Variants in UBTD2 observed in about 807,000 individuals in gnomAD.
The protein encoded by UBTD2 is ubiquitin domain-containing protein 2.
Under a neutral mutation model 19.8 loss-of-function variants are expected in UBTD2, and 9 were observed. The observed-to-expected ratio is 0.46, with a 90% CI of 0.27 to 0.79. The LOEUF (loss-of-function observed/expected upper bound fraction) is 0.79, where lower values mean the gene tolerates loss of function less well. Among genes scored for constraint, UBTD2 ranks in the 30% least tolerant of loss-of-function variants. The pLI is 0.14. For missense variants in UBTD2, 250 were observed against 300.4 expected (o/e 0.83, Z 1.24); for synonymous variants, 98 against 103.9 (o/e 0.94, Z 0.35).
At chr5:172,277,067 CAAAAAAAAA>C (rs56277139) in intron 1 of UBTD2, among the ~76,000 whole-genome samples, 58 of 65,118 alleles carry the variant, frequency 8.9e-4, no homozygotes, top group East Asian at 4.3e-3. Flanking sequence ...GACTCTGTCT[CAAAAAAAAA>C]AAAAAAAAAA....
intron 1 of UBTD2, among the ~76,000 whole-genome samples, chr5:172,259,716 A>G (rs1313158520): frequency 1.3e-5 from 2 of 152,026 alleles, no homozygotes; most frequent in East Asian, 3.9e-4. Context: ...TTGACAAGGT[A>G]TTGATTTAGT....
At chr5:172,260,954 T>A (rs865813756) in intron 1 of UBTD2, among the ~76,000 whole-genome samples, 2 of 152,210 alleles carry the variant, frequency 1.3e-5, no homozygotes, top group South Asian at 2.1e-4. Flanking sequence ...AGGCCCTATG[T>A]GTTAATGTTT....
chr5:172,234,391 C>A (rs1771967403), intron 1 of UBTD2, 33 bp from the exon 2 acceptor site: 2 of 1,566,066 alleles, frequency 1.3e-6, no homozygotes, highest in African/African-American at 2.7e-5. Flanking sequence ...GAGATCAAAC[C>A]CAAAATTTAT....
At position 172,212,196 on chromosome 5, in the gene UBTD2, C is replaced by A; in HGVS notation, c.339G>T (p.Gly113=). 1 of 1,611,808 alleles carries A rather than the reference C, an allele frequency of 6.2e-7. No homozygotes were observed. Among genetic ancestry groups the A allele is most frequent in the Non-Finnish European group, 8.5e-7 (1 of 1,178,078 alleles). The change falls in exon 3 of 3, where the codon GGG becomes GGT. Residue 113 remains glycine (G), a synonymous_variant. Coordinates refer to ENST00000393792, the MANE Select transcript of UBTD2 (RefSeq NM_152277.3). ...AATACACTGGAAGCTGATATCTGTT[C>A]CCCAGTTCATCGTAGCACTCTGTAA... The part of the protein sequence containing the change: ...GALTECYDEL[G]NRYQLPVYCL...
chr5:172,276,679 C>T (rs976538945), intron 1 of UBTD2, among the ~76,000 whole-genome samples: 6 of 150,230 alleles, frequency 4.0e-5, no homozygotes, highest in Admixed American at 6.7e-5. Context: ...TTGTAAGGTT[C>T]ATTATTGGGG....
chr5:172,281,066 A>C (rs1490129543), intron 1 of UBTD2, among the ~76,000 whole-genome samples: 3 of 152,130 alleles, frequency 2.0e-5, no homozygotes, highest in African/African-American at 7.2e-5. Context: ...GAATGTAATT[A>C]TTTTGTTTAT....
rs1050226708 is a variant in UBTD2 at position 172,282,711 on chromosome 5, TAAAG to T, written c.70+881_70+884del. Among the ~76,000 whole-genome samples the T allele has an allele frequency of 6.6e-5, 10 of 152,304 alleles. No individual in the cohort carries two copies. The East Asian group carries it at 7.7e-4, about 12-fold the overall frequency. On this transcript the variant is annotated intron_variant, in intron 1 of 2. Transcript: ENST00000393792. Reference sequence around the variant, plus strand: ...TGGACGTAACCAAAGGTCACTTAAATAAAGATAGAACTAATTTTATTATTATACT... The same window carrying T: ...TGGACGTAACCAAAGGTCACTTAAATATAGAACTAATTTTATTATTATACT...
chr5:172,232,875 C>A (rs1771931310), intron 2 of UBTD2, among the ~76,000 whole-genome samples: 1 of 152,022 alleles, frequency 6.6e-6, no homozygotes, highest in African/African-American at 2.4e-5. Flanking sequence ...CAGAGTGAGA[C>A]CTGTCTCTTA....
intron 1 of UBTD2, among the ~76,000 whole-genome samples, chr5:172,234,781 G>A (rs1771974063): frequency 6.6e-6 from 1 of 152,144 alleles, no homozygotes; most frequent in Non-Finnish European, 1.5e-5. Context: ...GTTGGCATGT[G>A]CCTGTGGTCC....
intron 1 of UBTD2, among the ~76,000 whole-genome samples, chr5:172,282,594 C>A (rs1162055049): frequency 6.6e-6 from 1 of 152,176 alleles, no homozygotes; most frequent in Non-Finnish European, 1.5e-5. Flanking sequence ...TACAGACATG[C>A]ACATTTTAAG....
chr5:172,273,032 G>A (rs531569582), intron 1 of UBTD2, among the ~76,000 whole-genome samples: 28 of 147,282 alleles, frequency 1.9e-4, no homozygotes, highest in African/African-American at 5.3e-4. Flanking sequence ...AGCCAAGATC[G>A]TGCCACTGCA....
rs376285062 is a variant in UBTD2 at position 172,269,739 on chromosome 5, T to TAAA, written c.70+13854_70+13856dup. On this transcript the variant is annotated intron_variant, in intron 1 of 2. Coordinates refer to ENST00000393792, the MANE Select transcript of UBTD2 (RefSeq NM_152277.3). ...TGTAACAAACATATACATGTGCATG[T>TAAA]AAAAAAAAAAAAAAAAAAAGTTAAA... Among the ~76,000 whole-genome samples the TAAA allele has an allele frequency of 6.1e-4, 70 of 114,226 alleles. 1 individual carries two copies. The highest frequency in any genetic ancestry group is 2.2e-3 in the African/African-American group (66 of 30,678). The allele number at this position is 114,226 out of a possible 152,430, so 74.9% of individuals were successfully genotyped here.
At chr5:172,227,367 G>A (rs1271222853) in intron 2 of UBTD2, among the ~76,000 whole-genome samples, 1 of 152,120 alleles carries the variant, frequency 6.6e-6, no homozygotes, top group African/African-American at 2.4e-5. Flanking sequence ...AGAGAAAAAT[G>A]ATATAACATT....
intron 1 of UBTD2, among the ~76,000 whole-genome samples, chr5:172,239,266 G>A (rs1362886150): frequency 1.3e-5 from 2 of 152,100 alleles, no homozygotes; most frequent in Non-Finnish European, 2.9e-5. Context: ...TAATCACCCC[G>A]TACTAGAACA....
chr5:172,243,497 T>C (rs995416058), intron 1 of UBTD2, among the ~76,000 whole-genome samples: 16 of 147,800 alleles, frequency 1.1e-4, no homozygotes, highest in African/African-American at 4.0e-4. Context: ...CCTCACCAGA[T>C]ACCAAATCAG....
chr5:172,272,213 A>C (rs549457092), intron 1 of UBTD2, among the ~76,000 whole-genome samples: 1 of 152,326 alleles, frequency 6.6e-6, no homozygotes, highest in South Asian at 2.1e-4. Context: ...ATATATTAAA[A>C]ACCAAACTTG....
rs1377678621 is a variant in UBTD2 at position 172,212,057 on chromosome 5, T to C, written c.478A>G (p.Thr160Ala). The C allele has an allele frequency of 6.2e-7, 1 of 1,614,212 alleles. No homozygotes were observed. ...YECQLRLRLS[T>A]GKDLKLVVRS... is the part of the protein sequence containing the mutation. ...ACCACAAGCTTGAGGTCTTTGCCTG[T>C]GGAAAGGCGCAAACGAAGCTGACAT... Residue 160 changes from threonine (T) to alanine (A), a missense_variant, in exon 3 of 3, where the codon ACA becomes GCA. Coordinates refer to ENST00000393792, the MANE Select transcript of UBTD2 (RefSeq NM_152277.3).
intron 2 of UBTD2, 105 bp from the exon 3 acceptor site, chr5:172,212,332 A>G: frequency 8.2e-7 from 1 of 1,222,076 alleles, no homozygotes; most frequent in South Asian, 1.6e-5. Flanking sequence ...GGCACTGTAG[A>G]GAAAAAACAT....
Position 172,283,355 on chromosome 5 carries a change from G to T in UBTD2, c.70+241C>A, listed in dbSNP as rs1027923286. On this transcript the variant is annotated intron_variant, in intron 1 of 2. Transcript: ENST00000393792. The surrounding 1 kb of genome is among the most constrained non-coding windows in gnomAD (Gnocchi z 4.3). ...GTCCGACTTCCCCGAGCCGAGCGGG[G>T]CGGTCGGCGAGGCCAAGGGCTACGT... 2.6e-5 allele frequency among the ~76,000 whole-genome samples: 4 copies of T among 152,210 alleles called. No individual in the cohort carries two copies. Among genetic ancestry groups the T allele is most frequent in the Non-Finnish European group, 5.9e-5 (4 of 68,024 alleles).
Sources: allele counts gnomAD v4.1 joint callset (sites outside exome capture counted in the v4.1 genomes callset), GRCh38; gene constraint gnomAD v4.1.1; non-coding constraint Gnocchi (gnomAD v3.1); transcripts MANE v1.5; gene names NCBI Gene and HGNC (gene_info 2026-07-23, HGNC 2026-07-21).